Variants in SLC12A7 observed in about 807,000 individuals in gnomAD.
SLC12A7 encodes the protein K-Cl cotransporter 4.
A neutral mutation model predicts 120.6 loss-of-function variants in SLC12A7; 100 were observed. The observed-to-expected ratio is 0.83, with a 90% CI of 0.71 to 0.98. SLC12A7 has a LOEUF of 0.98. Ranked by LOEUF, SLC12A7 falls within the 50% of genes least tolerant of loss-of-function variation. SLC12A7 has a pLI of 0.00. For synonymous variants in SLC12A7, 760 were observed against 678.0 expected, an observed-to-expected ratio of 1.12 and a Z score of -1.88; for missense variants, 1,373 against 1,548.1, an observed-to-expected ratio of 0.89 and a Z score of 1.90.
In SLC12A7 at chr5:1,051,045, T is replaced by C. The variant is rs1313218291; in HGVS notation, c.*1315A>G. On this transcript the variant is annotated 3_prime_UTR_variant, in exon 24 of 24. Coordinates refer to ENST00000264930, the MANE Select transcript of SLC12A7 (RefSeq NM_006598.3). ...TGTTACCACGTAACTCCCTGGGGTG[T>C]TTAAATAAATAAATATGCCACATAG... 2 of 397,962 alleles carry C rather than the reference T, an allele frequency of 5.0e-6. No individual in the cohort carries two copies. Among genetic ancestry groups the C allele is most frequent in the Non-Finnish European group, 8.9e-6 (2 of 225,934 alleles). The allele number at this position is 397,962 out of a possible 1,614,324, so 24.7% of individuals were successfully genotyped here. A position where few individuals can be genotyped will look rare whatever the true frequency, so the allele number is the denominator to read the frequency against.
chr5:1,105,373 A>G (rs1334610788), intron 1 of SLC12A7, among the ~76,000 whole-genome samples: 6 of 141,030 alleles, frequency 4.3e-5, no homozygotes, highest in Non-Finnish European at 7.8e-5. Flanking sequence ...CCCTGCAGGG[A>G]TGAGGTCCTG....
Position 1,065,309 on chromosome 5 carries a change from T to G in SLC12A7, c.2411A>C (p.Asn804Thr). 1 of 1,578,656 alleles carries G rather than the reference T, an allele frequency of 6.3e-7. No homozygotes were observed. The part of the protein sequence containing the change: ...AWPASWKQED[N>T]PFSWKNFVDT... ...CACAAAGTTCTTCCAGGAGAAGGGG[T>G]TGTCCTCCTGCTTCCAGGATGCGGG... The change falls in exon 18 of 24, where the codon AAC (asparagine) becomes ACC (threonine). Residue 804 changes from asparagine to threonine, a missense_variant. Coordinates refer to ENST00000264930, the MANE Select transcript of SLC12A7 (RefSeq NM_006598.3).
chr5:1,062,004 G>A (rs1430262631), intron 20 of SLC12A7, among the ~76,000 whole-genome samples: 1 of 152,200 alleles, frequency 6.6e-6, no homozygotes, highest in Admixed American at 6.5e-5. Context: ...TCTCCAGCCA[G>A]GTGGCACTTG....
intron 1 of SLC12A7, among the ~76,000 whole-genome samples, chr5:1,096,446 A>G (rs928680683): frequency 2.0e-5 from 3 of 152,110 alleles, no homozygotes; most frequent in Admixed American, 2.0e-4. Context: ...ATATGTCTAA[A>G]TGTCTTTCCC....
At chr5:1,089,916 G>A (rs1190123140) in intron 3 of SLC12A7, among the ~76,000 whole-genome samples, 3 of 152,252 alleles carry the variant, frequency 2.0e-5, no homozygotes, top group African/African-American at 7.2e-5. Context: ...CCCCACTCCC[G>A]CCATGAGCAG....
At chr5:1,085,618 G>C (rs1225863188) in intron 6 of SLC12A7, 145 bp from the exon 7 acceptor site, 6 of 1,208,978 alleles carry the variant, frequency 5.0e-6, no homozygotes, top group Non-Finnish European at 6.7e-6. Flanking sequence ...GACGGAGCCC[G>C]CGGGGGTCAG....
At chr5:1,104,420 G>A (rs985413818) in intron 1 of SLC12A7, among the ~76,000 whole-genome samples, 17 of 152,224 alleles carry the variant, frequency 1.1e-4, no homozygotes, top group East Asian at 5.8e-4. Flanking sequence ...GAGGGCCAGC[G>A]GGGCTACCCC....
At chr5:1,089,894 C>A (rs949392568) in intron 3 of SLC12A7, among the ~76,000 whole-genome samples, 8 of 152,286 alleles carry the variant, frequency 5.3e-5, no homozygotes, top group Non-Finnish European at 1.5e-5. Flanking sequence ...TCCATCCCCA[C>A]TGCCTGCTCA....
At chr5:1,075,250 T>G in intron 15 of SLC12A7, 121 bp downstream of exon 15, 1 of 1,381,636 alleles carries the variant, frequency 7.2e-7, no homozygotes, top group Non-Finnish European at 9.8e-7. Context: ...CAGCTGCCCC[T>G]GTGAGGGCAC....
intron 3 of SLC12A7, among the ~76,000 whole-genome samples, 186 bp downstream of exon 3, chr5:1,093,347 A>C (rs1740733438): frequency 6.6e-6 from 1 of 152,118 alleles, no homozygotes. Flanking sequence ...GTGGAGAGGG[A>C]AGAGGCCTGG....
chr5:1,123,541 C>T, the SLC12A7 span, among the ~76,000 whole-genome samples: 2 of 152,246 alleles, frequency 1.3e-5, no homozygotes, highest in Non-Finnish European at 2.9e-5. Context: ...TAAAGCTGCC[C>T]AGCCTGGCCC....
At chr5:1,075,521 C>T in intron 14 of SLC12A7, 31 bp from the exon 15 acceptor site, 3 of 1,594,352 alleles carry the variant, frequency 1.9e-6, no homozygotes, top group Non-Finnish European at 2.6e-6. Flanking sequence ...TCGGGGCGGC[C>T]CAACGCCATG....
At chr5:1,064,380 C>G in intron 18 of SLC12A7, 128 bp from the exon 19 acceptor site, 1 of 1,043,218 alleles carries the variant, frequency 9.6e-7, no homozygotes, top group Non-Finnish European at 1.3e-6. Context: ...AGCCCCCACC[C>G]TCACTCCGTC....
chr5:1,083,937 G>A lies in SLC12A7; in HGVS notation c.937C>T (p.Arg313Cys), dbSNP rs756030213. ...PDIPVCLLGN[R>C]TLSRRSFDAC... ...TCGAAGCTGCGCCGTGACAGCGTGC[G>A]GTTCCCCAGGAGGCAGACCCTGGGC... Residue 313 changes from arginine (R) to cysteine (C), a missense_variant, in exon 8 of 24, where the codon CGC (arginine) becomes TGC (cysteine). By Grantham distance (180) the Arg-to-Cys change is radical. Transcript: ENST00000264930. 4.4e-6 allele frequency: 7 copies of A among 1,603,304 alleles called. No individual in the cohort carries two copies. Among genetic ancestry groups the A allele is most frequent in the African/African-American group, 1.3e-5 (1 of 74,886 alleles).
the SLC12A7 span, among the ~76,000 whole-genome samples, chr5:1,136,445 C>T: frequency 1.5e-5 from 2 of 130,430 alleles, no homozygotes; most frequent in Admixed American, 7.4e-5. Flanking sequence ...GACACCAACA[C>T]CAGGACACGC....
intron 22 of SLC12A7, among the ~76,000 whole-genome samples, chr5:1,055,198 A>G (rs1304444393): frequency 1.3e-5 from 2 of 152,228 alleles, no homozygotes; most frequent in East Asian, 3.8e-4. Context: ...ACACTAATAC[A>G]CAAGTGCATA....
At chr5:1,065,533 C>T (rs555272708) in intron 17 of SLC12A7, 55 bp from the exon 18 acceptor site, 330 of 1,444,726 alleles carry the variant, frequency 2.3e-4, no homozygotes, top group Non-Finnish European at 2.9e-4. Context: ...CACAGACCCA[C>T]GCCCACCACC....
chr5:1,119,927 T>C, the SLC12A7 span, among the ~76,000 whole-genome samples: 2 of 152,244 alleles, frequency 1.3e-5, no homozygotes, highest in Non-Finnish European at 2.9e-5. Context: ...CAGTCTGAGC[T>C]GGCTGAAGGC....
At chr5:1,061,426 C>T (rs1243891721) in intron 20 of SLC12A7, among the ~76,000 whole-genome samples, 1 of 62,962 alleles carries the variant, frequency 1.6e-5, no homozygotes, top group African/African-American at 5.5e-5. Flanking sequence ...GGGACCCCTG[C>T]GTCTCACCCA....
Sources: gnomAD v4.1 joint callset for allele counts (sites outside exome capture counted in the v4.1 genomes callset) on GRCh38, gnomAD v4.1.1 for gene constraint, MANE v1.5 for transcripts, NCBI Gene and HGNC (gene_info 2026-07-23, HGNC 2026-07-21) for gene names.